The following DHRS9 variants were observed in gnomAD, a reference collection of about 807,000 sequenced individuals.
DHRS9 encodes dehydrogenase/reductase SDR family member 9.
DHRS9 carries 18 observed loss-of-function variants against 26.6 expected under a neutral mutation model. The observed-to-expected ratio is 0.68, with a 90% confidence interval of 0.47 to 1.00. The LOEUF is 1.00. Ranked by LOEUF, DHRS9 falls within the 50% of genes least tolerant of loss-of-function variation. The probability of loss-of-function intolerance (pLI) is 0.00; values close to 1 mark genes in which losing one functional copy is unlikely to be tolerated. For synonymous variants in DHRS9, 134 were observed against 141.1 expected (o/e 0.95, Z 0.36); for missense variants, 425 against 378.7 (o/e 1.12, Z -1.01).
chr2:169,081,527 C>T lies in DHRS9; in HGVS notation c.-55C>T. ...TTTTTCACTTTGAACACTCAGGACACCATCTTCTTGTATTATACAAGAAAG... is the reference window on the plus strand; with the variant it reads ...TTTTTCACTTTGAACACTCAGGACATCATCTTCTTGTATTATACAAGAAAG... On this transcript the variant is annotated 5_prime_UTR_variant, in exon 2 of 5. Transcript: ENST00000674881. The T allele has an allele frequency of 6.4e-7, 1 of 1,566,362 alleles. No individual in the cohort carries two copies. The highest frequency in any genetic ancestry group is 2.2e-5 in the East Asian group (1 of 44,514).
rs1190803557 is a variant in DHRS9 at position 169,095,695 on chromosome 2, C to T, written c.888C>T (p.His296=). The part of the protein sequence containing the change: ...DAKIFWIPLS[H]MPAALQDFLL... ...AAATTTTCTGGATACCTCTGTCTCA[C>T]ATGCCAGCAGCTTTGCAAGACTTTT... Residue 296 remains histidine, a synonymous_variant, in exon 5 of 5, where the codon CAC becomes CAT. Transcript: ENST00000674881. The T allele has an allele frequency of 6.2e-7, 1 of 1,613,886 alleles. No homozygotes were observed. The highest frequency in any genetic ancestry group is 8.5e-7 in the Non-Finnish European group (1 of 1,179,914).
intron 1 of DHRS9, among the ~76,000 whole-genome samples, 175 bp downstream of exon 1, chr2:169,069,892 C>T (rs1408782159): frequency 6.6e-6 from 1 of 152,194 alleles, no homozygotes; most frequent in Non-Finnish European, 1.5e-5. Context: ...GTCCATCTCA[C>T]CATAGAAATG....
intron 1 of DHRS9, 143 bp from the exon 2 acceptor site, chr2:169,081,380 C>A: frequency 1.7e-6 from 2 of 1,150,576 alleles, no homozygotes; most frequent in Non-Finnish European, 2.3e-6. Flanking sequence ...ATCTTCCCAA[C>A]AAACAACCAA....
chr2:169,083,338 G>A lies in DHRS9; in HGVS notation c.323G>A (p.Gly108Asp), dbSNP rs755243114. ...TTCCTCTCTGTTCTAGGTCTCTGGG[G>A]TCTGATCAATAATGCTGGTGTTCCC... ...KNQVGEKGLW[G>D]LINNAGVPGV... Residue 108 changes from glycine to aspartate, a missense_variant, in exon 3 of 5, where the codon GGT (glycine) becomes GAT (aspartate). Gly to Asp is a moderately conservative substitution (Grantham distance 94, BLOSUM62 -1). Transcript: ENST00000674881. 3 of 1,613,858 alleles carry A rather than the reference G, an allele frequency of 1.9e-6. No individual in the cohort carries two copies. The highest frequency in any genetic ancestry group is 2.5e-6 in the Non-Finnish European group (3 of 1,179,918).
chr2:169,083,544 A>C lies in DHRS9; in HGVS notation c.529A>C (p.Thr177Pro). ...CCTTGCAATCGTTGGAGGGGGCTAT[A>C]CTCCATCCAAATATGCAGTGGAAGG... ...GRLAIVGGGY[T>P]PSKYAVEGFN... The change falls in exon 3 of 5, where the codon ACT (threonine) becomes CCT (proline). Residue 177 changes from threonine to proline, a missense_variant. Transcript: ENST00000674881. 1 of 1,613,972 alleles carries C rather than the reference A, an allele frequency of 6.2e-7. No homozygotes were observed. The highest frequency in any genetic ancestry group is 1.1e-5 in the South Asian group (1 of 91,078).
Position 169,074,833 on chromosome 2 carries a change from A to G in DHRS9, c.-60+5116A>G, listed in dbSNP as rs12620980. 6.4e-3 allele frequency among the ~76,000 whole-genome samples: 971 copies of G among 152,292 alleles called. 15 individuals carry two copies. In the East Asian group the frequency reaches 0.074, roughly 12 times the overall value. ...CTCTAGGTTAGCATTGGCAGTCCCT[A>G]GGATTCAGACTGTAGGCCTAAATGA... On this transcript the variant is annotated intron_variant, in intron 1 of 4. Coordinates refer to ENST00000674881, the MANE Select transcript of DHRS9 (RefSeq NM_001376924.1).
At chr2:169,081,985 C>A in intron 2 of DHRS9, 91 bp downstream of exon 2, 2 of 1,298,206 alleles carry the variant, frequency 1.5e-6, no homozygotes, top group Non-Finnish European at 2.1e-6. Flanking sequence ...TTTTAAATGG[C>A]CTTTCGAGAA....
intron 1 of DHRS9, among the ~76,000 whole-genome samples, chr2:169,075,671 C>T (rs1241129528): frequency 6.6e-6 from 1 of 152,036 alleles, no homozygotes; most frequent in Non-Finnish European, 1.5e-5. Flanking sequence ...CTCCTTTGAT[C>T]TGAAATGGTC....
chr2:169,072,883 T>C (rs946355734), intron 1 of DHRS9, among the ~76,000 whole-genome samples: 3 of 152,212 alleles, frequency 2.0e-5, no homozygotes, highest in Non-Finnish European at 2.9e-5. Context: ...CAAGTGACCA[T>C]AGTTATGACC....
upstream of DHRS9, among the ~76,000 whole-genome samples, chr2:169,067,560 A>G (rs755075878): frequency 1.2e-4 from 18 of 152,220 alleles, no homozygotes; most frequent in Non-Finnish European, 2.5e-4. Flanking sequence ...ACATTAAAAT[A>G]AAATGCACAG....
chr2:169,073,399 C>T (rs1481991306), intron 1 of DHRS9, among the ~76,000 whole-genome samples: 1 of 152,214 alleles, frequency 6.6e-6, no homozygotes, highest in African/African-American at 2.4e-5. Context: ...AGGAAACGGC[C>T]TACAACATGT....
intron 3 of DHRS9, among the ~76,000 whole-genome samples, chr2:169,088,070 G>A (rs898748660): frequency 5.9e-5 from 9 of 152,158 alleles, no homozygotes; most frequent in African/African-American, 2.2e-4. Context: ...CCCAGGAATT[G>A]CAATCCTTGT....
chr2:169,092,050 A>ATAC, intron 4 of DHRS9, 97 bp downstream of exon 4: 1 of 1,307,910 alleles, frequency 7.6e-7, no homozygotes, highest in Non-Finnish European at 1.0e-6. Context: ...GTTCTGAGTA[A>ATAC]TACCCCAATA....
intron 4 of DHRS9, among the ~76,000 whole-genome samples, chr2:169,092,684 A>G (rs972625729): frequency 2.6e-5 from 4 of 152,196 alleles, no homozygotes; most frequent in Admixed American, 6.5e-5. Context: ...TTTCTGGAGC[A>G]GGAACACATG....
At chr2:169,095,483 T>C (rs528544079) in intron 4 of DHRS9, 61 bp from the exon 5 acceptor site, 3 of 1,388,280 alleles carry the variant, frequency 2.2e-6, no homozygotes, top group African/African-American at 2.8e-5. Context: ...CTTTGCACCC[T>C]AGACTTCCAC....
chr2:169,096,052 A>C lies in DHRS9; in HGVS notation c.*285A>C. 4.7e-6 allele frequency: 2 copies of C among 428,300 alleles called. No individual in the cohort carries two copies. The highest frequency in any genetic ancestry group is 3.0e-5 in the South Asian group (1 of 33,330). The allele number at this position is 428,300 out of a possible 1,614,324, so 26.5% of individuals were successfully genotyped here. On this transcript the variant is annotated 3_prime_UTR_variant, in exon 5 of 5. Coordinates refer to ENST00000674881, the MANE Select transcript of DHRS9 (RefSeq NM_001376924.1). ...GTAAGGGAAATTGAAAGACTTGCCC[A>C]TTCAAAATGATCTTTACCGTGGCCT...
At chr2:169,086,668 T>G (rs200397896) in intron 3 of DHRS9, among the ~76,000 whole-genome samples, 1 of 152,218 alleles carries the variant, frequency 6.6e-6, no homozygotes, top group Non-Finnish European at 1.5e-5. Flanking sequence ...GACTTGGCTG[T>G]TGTGATCTAA....
At chr2:169,092,668 G>A (rs1432857182) in intron 4 of DHRS9, among the ~76,000 whole-genome samples, 3 of 152,130 alleles carry the variant, frequency 2.0e-5, no homozygotes, top group African/African-American at 4.8e-5. Context: ...TTACTTGGGT[G>A]GAAACTTTCT....
At chr2:169,080,746 C>T (rs1013233744) in intron 1 of DHRS9, among the ~76,000 whole-genome samples, 3 of 152,150 alleles carry the variant, frequency 2.0e-5, no homozygotes, top group African/African-American at 7.2e-5. Context: ...TGGCTTTATC[C>T]TTTGTCCATG....
Sources: gnomAD v4.1 joint callset for allele counts (sites outside exome capture counted in the v4.1 genomes callset) on GRCh38, gnomAD v4.1.1 for gene constraint, MANE v1.5 for transcripts, NCBI Gene and HGNC (gene_info 2026-07-23, HGNC 2026-07-21) for gene names.